Variants in PACS2 observed in about 807,000 individuals in gnomAD.
PACS2 encodes the protein phosphofurin acidic cluster sorting protein 2, also known as PACS1-like protein.
PACS2 carries 36 observed loss-of-function variants against 113.0 expected under a neutral mutation model. The ratio of observed to expected loss-of-function variants is 0.32; its 90% CI spans 0.24 to 0.42. The LOEUF (loss-of-function observed/expected upper bound fraction) is 0.42, where lower values mean the gene tolerates loss of function less well. PACS2 is among the 10% of genes least tolerant of loss of function. The probability of loss-of-function intolerance (pLI) is 1.00; values close to 1 mark genes in which losing one functional copy is unlikely to be tolerated. For synonymous variants in PACS2, 589 were observed against 536.1 expected (o/e 1.10, Z -1.36); for missense variants, 1,015 against 1,239.5 (o/e 0.82, Z 2.72).
At chr14:105,338,508 C>T (rs2059610535) in intron 1 of PACS2, among the ~76,000 whole-genome samples, 1 of 152,182 alleles carries the variant, frequency 6.6e-6, no homozygotes, top group Non-Finnish European at 1.5e-5. Flanking sequence ...CCACAGCTCG[C>T]TCACCCCAGG....
At chr14:105,345,280 G>A (rs138025258) in intron 1 of PACS2, among the ~76,000 whole-genome samples, 8 of 150,822 alleles carry the variant, frequency 5.3e-5, no homozygotes, top group East Asian at 3.9e-4. Flanking sequence ...GATGTCGGGC[G>A]CCTGTAGTCC....
intron 21 of PACS2, 176 bp downstream of exon 21, chr14:105,391,425 A>C: frequency 1.5e-6 from 1 of 660,940 alleles, no homozygotes; most frequent in Non-Finnish European, 2.6e-6. Flanking sequence ...CTGCTGTCAC[A>C]AAGCCCCACA....
chr14:105,314,515 C>G (rs1045872818), upstream of PACS2: 1 of 147,588 alleles, frequency 6.8e-6, no homozygotes, highest in East Asian at 2.0e-4. Flanking sequence ...AGTGCGCGCT[C>G]TCGCGCACCG....
At chr14:105,305,679 G>A (rs2058166547) in intron 1 of PACS2, among the ~76,000 whole-genome samples, 1 of 152,238 alleles carries the variant, frequency 6.6e-6, no homozygotes. Context: ...GTTAGAGGGA[G>A]AATGCGGAGA....
rs190660636 is a variant in PACS2, at chr14:105,304,093, T to G, written c.-83+3114T>G. Among the ~76,000 whole-genome samples the G allele has an allele frequency of 2.1e-4, 32 of 152,300 alleles. No individual in the cohort carries two copies. In the East Asian group the frequency reaches 5.4e-3, roughly 26 times the overall value. ...CAGCATGCCTCCCAGGCCACAGCGG[T>G]GCAGGACAGTCAGGCAGTACAGGAC... On this transcript the variant is annotated intron_variant, in intron 1 of 23. Transcript: ENST00000430725.
chr14:105,355,241 G>A lies in PACS2; in HGVS notation c.423+64G>A, dbSNP rs1566934421. On this transcript the variant is annotated intron_variant, in intron 4 of 24. Coordinates refer to ENST00000447393, the MANE Select transcript of PACS2 (RefSeq NM_001100913.3). This position sits in a 1 kb window ranked among gnomAD's most constrained non-coding sequence, Gnocchi z 4.1. ...CACCTGGGTGCCAGAGCATTCGCCC[G>A]TGGGAGATGGAGATGTCTCTCCCGG... 12 of 1,549,906 alleles carry A rather than the reference G, an allele frequency of 7.7e-6. No individual in the cohort carries two copies. The highest frequency in any genetic ancestry group is 5.5e-5 in the African/African-American group (4 of 73,016).
intron 13 of PACS2, 127 bp downstream of exon 13, chr14:105,382,185 T>C: frequency 9.0e-7 from 1 of 1,110,346 alleles, no homozygotes; most frequent in South Asian, 1.6e-5. Context: ...GCCTGGGCTT[T>C]GGAGGGCTCC....
At chr14:105,389,651 G>A in intron 19 of PACS2, 1 of 416,726 alleles carries the variant, frequency 2.4e-6, no homozygotes, top group Non-Finnish European at 4.5e-6. Flanking sequence ...GGATGGCAGA[G>A]TGAATCCCTC....
chr14:105,366,828 G>T lies in PACS2; in HGVS notation c.424-385G>T, dbSNP rs1259624689. ...GCAGGGGGCCAGGATCTTCCTGGGT[G>T]GCACTGCATGGACAGCAGTCGTGCC... On this transcript the variant is annotated intron_variant, in intron 4 of 24. Coordinates refer to ENST00000447393, the MANE Select transcript of PACS2 (RefSeq NM_001100913.3). This position sits in a 1 kb window ranked among gnomAD's most constrained non-coding sequence, Gnocchi z 4.3. Among the ~76,000 whole-genome samples the T allele has an allele frequency of 1.3e-5, 2 of 152,184 alleles. No homozygotes were observed. The highest frequency in any genetic ancestry group is 2.9e-5 in the Non-Finnish European group (2 of 68,016).
upstream of PACS2, among the ~76,000 whole-genome samples, chr14:105,313,422 T>G (rs1740300677): frequency 6.6e-6 from 1 of 152,236 alleles, no homozygotes; most frequent in African/African-American, 2.4e-5. Context: ...CAGACCCTCA[T>G]GGCTCTCAGT....
chr14:105,328,513 T>A (rs1229459627), intron 1 of PACS2, among the ~76,000 whole-genome samples: 2 of 152,214 alleles, frequency 1.3e-5, no homozygotes, highest in African/African-American at 4.8e-5. Flanking sequence ...GCCCAGAGGC[T>A]GCTCTCGAGG....
At chr14:105,325,526 T>TG (rs2059071909) in intron 1 of PACS2, among the ~76,000 whole-genome samples, 1 of 152,226 alleles carries the variant, frequency 6.6e-6, no homozygotes, top group African/African-American at 2.4e-5. Flanking sequence ...ATCCAGCCCG[T>TG]GTCCTAAGAG....
rs201960275 is a variant in PACS2, at chr14:105,382,893, C to T, written c.1605C>T (p.Ile535=). The stretch of plus-strand genomic sequence containing the variant: ...ACGTCCAGGCGGCCTTCAGCACCAT[C>T]GTCTCACGGATACAGAGATAGTGAG... ...PADVQAAFST[I]VSRIQRYCNC... The change falls in exon 15 of 25, where the codon ATC becomes ATT. Residue 535 remains isoleucine, a synonymous_variant. Coordinates refer to ENST00000447393, the MANE Select transcript of PACS2 (RefSeq NM_001100913.3). 72 of 1,601,986 alleles carry T rather than the reference C, an allele frequency of 4.5e-5. No homozygotes were observed. The East Asian group carries it at 8.9e-4, about 20-fold the overall frequency.
intron 4 of PACS2, among the ~76,000 whole-genome samples, chr14:105,362,426 A>AG (rs1453800407): frequency 1.3e-5 from 2 of 151,162 alleles, no homozygotes; most frequent in African/African-American, 2.4e-5. Context: ...CAAAAAAAAA[A>AG]AAAAGAAAAG....
At position 105,368,083 on chromosome 14, in the gene PACS2, C is replaced by G; in HGVS notation, c.596C>G (p.Ser199Cys). ...GPKAKSTDNY[S>C]EEEYESFSSE... Reference sequence around the variant, plus strand: ...TCTGTTCATTCCGCAGATAACTACTCCGAGGAGGAGTATGAGAGCTTCTCC... The same window carrying G: ...TCTGTTCATTCCGCAGATAACTACTGCGAGGAGGAGTATGAGAGCTTCTCC... The change falls in exon 6 of 25, where the codon TCC (serine) becomes TGC (cysteine). Residue 199 changes from serine (S) to cysteine (C), a missense_variant. This residue lies in a region of PACS2 where 859 missense variants were observed against 1,056.8 expected (regional missense o/e 0.81). Coordinates refer to ENST00000447393, the MANE Select transcript of PACS2 (RefSeq NM_001100913.3). The G allele has an allele frequency of 6.2e-7, 1 of 1,608,734 alleles. No homozygotes were observed. Among genetic ancestry groups the G allele is most frequent in the Non-Finnish European group, 8.5e-7 (1 of 1,175,688 alleles).
chr14:105,314,072 G>C (rs1046842379), upstream of PACS2, among the ~76,000 whole-genome samples: 3 of 152,274 alleles, frequency 2.0e-5, no homozygotes, highest in Non-Finnish European at 2.9e-5. Context: ...TGGAGCCCTG[G>C]AGGCTAAGCT....
intron 1 of PACS2, among the ~76,000 whole-genome samples, chr14:105,343,450 T>C (rs2059808836): frequency 6.6e-6 from 1 of 152,250 alleles, no homozygotes; most frequent in Non-Finnish European, 1.5e-5. Flanking sequence ...TTCCAGTGAC[T>C]CTGCCATGTG....
rs1044605242 is a variant in PACS2 at position 105,329,472 on chromosome 14, G to C, written c.119+14435G>C. ...GAGTCCAAACTGGCTGAGAGTCAAGGGGGTGTTCAGGGCCTCCAGGAGCTC... is the reference window on the plus strand; with the variant it reads ...GAGTCCAAACTGGCTGAGAGTCAAGCGGGTGTTCAGGGCCTCCAGGAGCTC... On this transcript the variant is annotated intron_variant, in intron 1 of 24. Transcript: ENST00000447393. This position sits in a 1 kb window ranked among gnomAD's most constrained non-coding sequence, Gnocchi z 6.4. 6.6e-6 allele frequency among the ~76,000 whole-genome samples: 1 copy of C among 152,186 alleles called. No homozygotes were observed. Among genetic ancestry groups the C allele is most frequent in the Non-Finnish European group, 1.5e-5 (1 of 68,026 alleles).
intron 20 of PACS2, 72 bp downstream of exon 20, chr14:105,390,075 T>C: frequency 2.3e-6 from 3 of 1,319,766 alleles, no homozygotes; most frequent in Non-Finnish European, 3.3e-6. Context: ...TCAGAACGTT[T>C]GGGGATTGAC....
Sources: allele counts gnomAD v4.1 joint callset (sites outside exome capture counted in the v4.1 genomes callset), GRCh38; gene constraint gnomAD v4.1.1; regional missense constraint gnomAD v4.1.1; non-coding constraint Gnocchi (gnomAD v3.1); transcripts MANE v1.5; gene names NCBI Gene and HGNC (gene_info 2026-07-23, HGNC 2026-07-21).